The following TRIM2 variants were observed in gnomAD, a reference collection of about 807,000 sequenced individuals.
TRIM2 encodes tripartite motif containing 2, also known as tripartite motif-containing protein 2.
A neutral mutation model predicts 75.2 loss-of-function variants in TRIM2; 20 were observed. The observed-to-expected ratio is 0.27, with a 90% CI of 0.19 to 0.39. TRIM2 has a LOEUF of 0.39. Ranked by LOEUF, TRIM2 falls within the 10% of genes least tolerant of loss-of-function variation. The pLI, the probability that TRIM2 is intolerant of heterozygous loss-of-function variation, is 1.00. For synonymous variants in TRIM2, 373 were observed against 388.3 expected (o/e 0.96, Z 0.46); for missense variants, 660 against 990.8 (o/e 0.67, Z 4.48).
intron 3 of TRIM2, among the ~76,000 whole-genome samples, chr4:153,288,371 A>C (rs1470872438): frequency 6.6e-6 from 1 of 152,212 alleles, no homozygotes; most frequent in Non-Finnish European, 1.5e-5. Flanking sequence ...TGGGAGCCAG[A>C]GGTTGCAGTG....
At chr4:153,289,210 C>T (rs551126852) in intron 3 of TRIM2, among the ~76,000 whole-genome samples, 2 of 152,182 alleles carry the variant, frequency 1.3e-5, no homozygotes, top group Middle Eastern at 3.4e-3. Flanking sequence ...TCTCCCCTCT[C>T]CCTAGGGTTT....
At chr4:153,156,058 G>C (rs1461394698) in intron 1 of TRIM2, among the ~76,000 whole-genome samples, 4 of 152,224 alleles carry the variant, frequency 2.6e-5, no homozygotes, top group Non-Finnish European at 5.9e-5. Context: ...GATCTTTAGA[G>C]GTTGGCAACT....
At position 153,204,488 on chromosome 4, in the gene TRIM2, G is replaced by C; in HGVS notation, c.-43G>C. ...GGGCCCAGTTGTCTGCGGGCTGCGG[G>C]GAGCTAAGTCCCCAGATTGGAGGAG... On this transcript the variant is annotated 5_prime_UTR_variant, in exon 1 of 12. Transcript: ENST00000338700. 1 of 1,551,380 alleles carries C rather than the reference G, an allele frequency of 6.4e-7. No individual in the cohort carries two copies. Among genetic ancestry groups the C allele is most frequent in the Non-Finnish European group, 8.7e-7 (1 of 1,146,716 alleles).
At chr4:153,254,978 A>C (rs1221586636) in intron 1 of TRIM2, among the ~76,000 whole-genome samples, 1 of 152,110 alleles carries the variant, frequency 6.6e-6, no homozygotes, top group Non-Finnish European at 1.5e-5. Flanking sequence ...GAACCATCTC[A>C]TGCCTTTGAC....
intron 1 of TRIM2, among the ~76,000 whole-genome samples, chr4:153,153,743 C>T (rs1467646804): frequency 6.6e-6 from 1 of 152,132 alleles, no homozygotes; most frequent in Non-Finnish European, 1.5e-5. Flanking sequence ...ACGGGCGTGG[C>T]GGCGTCTCAG....
chr4:153,296,154 G>C lies in TRIM2; in HGVS notation c.1510+118G>C, dbSNP rs181758830. ...AGAACTCTACCTGCAGGTGTTAGGA[G>C]ATGTACTGCTATAAAATTTGATATA... On this transcript the variant is annotated intron_variant, in intron 6 of 11. Coordinates refer to ENST00000338700, the MANE Select transcript of TRIM2 (RefSeq NM_015271.5). 187 of 1,278,588 alleles carry C rather than the reference G, an allele frequency of 1.5e-4. No individual in the cohort carries two copies. In the African/African-American group the frequency reaches 2.6e-3, roughly 18 times the overall value. 79.2% of individuals were successfully genotyped at this position (1,278,588 alleles called of 1,614,324 possible). A position where few individuals can be genotyped will look rare whatever the true frequency, so the allele number is the denominator to read the frequency against.
At chr4:153,203,891 C>CAATAAATAAATAAATA (rs56292904), upstream of TRIM2, among the ~76,000 whole-genome samples, 51 of 151,100 alleles carry the variant, frequency 3.4e-4, no homozygotes, top group African/African-American at 1.1e-3. Flanking sequence ...GACTCCATCT[C>CAATAAATAAATAAATA]AATAAATAAA....
intron 1 of TRIM2, among the ~76,000 whole-genome samples, chr4:153,173,191 G>A (rs776853273): frequency 2.0e-5 from 3 of 152,112 alleles, no homozygotes; most frequent in African/African-American, 7.2e-5. Context: ...TGCTGGAAGG[G>A]CCCAGAAGGC....
At chr4:153,158,039 G>A (rs1474287840) in intron 1 of TRIM2, among the ~76,000 whole-genome samples, 1 of 152,194 alleles carries the variant, frequency 6.6e-6, no homozygotes, top group African/African-American at 2.4e-5. Context: ...CAGTCAGTTT[G>A]TGTTTTTTCT....
chr4:153,228,007 T>C (rs928872611), intron 1 of TRIM2, among the ~76,000 whole-genome samples: 2 of 152,174 alleles, frequency 1.3e-5, no homozygotes, highest in African/African-American at 4.8e-5. Flanking sequence ...AATTACCATG[T>C]TAGTCCAAGA....
intron 8 of TRIM2, among the ~76,000 whole-genome samples, chr4:153,322,326 G>A (rs1769179305): frequency 6.6e-6 from 1 of 152,214 alleles, no homozygotes; most frequent in Admixed American, 6.5e-5. Context: ...CAGGAGAATT[G>A]CATGAACCCA....
In TRIM2 at chr4:153,337,887, T is replaced by G; in HGVS notation, c.*2921T>G. 8 of 985,796 alleles carry G rather than the reference T, an allele frequency of 8.1e-6. No individual in the cohort carries two copies. The highest frequency in any genetic ancestry group is 9.6e-6 in the Non-Finnish European group (8 of 829,928). The allele number at this position is 985,796 out of a possible 1,614,324, so 61.1% of individuals were successfully genotyped here. On this transcript the variant is annotated 3_prime_UTR_variant, in exon 12 of 12. Coordinates refer to ENST00000338700, the MANE Select transcript of TRIM2 (RefSeq NM_015271.5). ...TCAAGGTCAGTGACGACGCATTTCCTCCCAGTACAGACCCCCCAGCCCCCC... is the reference window on the plus strand; with the variant it reads ...TCAAGGTCAGTGACGACGCATTTCCGCCCAGTACAGACCCCCCAGCCCCCC...
intron 1 of TRIM2, among the ~76,000 whole-genome samples, chr4:153,220,099 C>T (rs777729501): frequency 7.9e-5 from 12 of 151,966 alleles, no homozygotes; most frequent in African/African-American, 1.7e-4. Flanking sequence ...AGTTAAGAGA[C>T]GGGGAGTTCA....
At chr4:153,221,400 T>C (rs952815484) in intron 1 of TRIM2, among the ~76,000 whole-genome samples, 2 of 152,136 alleles carry the variant, frequency 1.3e-5, no homozygotes, top group Non-Finnish European at 2.9e-5. Context: ...TGCACTCCAG[T>C]CTGGACAACA....
chr4:153,227,365 A>G (rs1451564882), intron 1 of TRIM2, among the ~76,000 whole-genome samples: 1 of 152,152 alleles, frequency 6.6e-6, no homozygotes, highest in Admixed American at 6.5e-5. Context: ...CATCATAGAA[A>G]CACTGCTTGA....
intron 1 of TRIM2, among the ~76,000 whole-genome samples, chr4:153,246,658 G>A (rs1270994246): frequency 6.6e-6 from 1 of 152,220 alleles, no homozygotes; most frequent in East Asian, 1.9e-4. Flanking sequence ...GAGTAGGAAA[G>A]AGGGTGGGAG....
At chr4:153,247,146 C>T (rs1052195814) in intron 1 of TRIM2, among the ~76,000 whole-genome samples, 1 of 152,190 alleles carries the variant, frequency 6.6e-6, no homozygotes, top group Non-Finnish European at 1.5e-5. Context: ...CTCATTTCCA[C>T]AGGCCGCTGA....
At chr4:153,290,513 G>A (rs1761626560) in intron 3 of TRIM2, among the ~76,000 whole-genome samples, 1 of 152,188 alleles carries the variant, frequency 6.6e-6, no homozygotes, top group Admixed American at 6.5e-5. Flanking sequence ...CTTTCTGCTG[G>A]ATTGTATCAG....
intron 1 of TRIM2, among the ~76,000 whole-genome samples, chr4:153,199,123 C>T (rs1308374825): frequency 1.3e-5 from 2 of 152,104 alleles, no homozygotes; most frequent in Admixed American, 6.6e-5. Context: ...AAATAGGCCC[C>T]GGGGATATGT....
Sources: gnomAD v4.1 joint callset for allele counts (sites outside exome capture counted in the v4.1 genomes callset) on GRCh38, gnomAD v4.1.1 for gene constraint, MANE v1.5 for transcripts, NCBI Gene and HGNC (gene_info 2026-07-23, HGNC 2026-07-21) for gene names.